The following WWOX variants were observed in gnomAD, a reference collection of about 807,000 sequenced individuals.
WWOX encodes the protein WW domain-containing oxidoreductase.
Under a neutral mutation model 46.2 loss-of-function variants are expected in WWOX, and 69 were observed. The observed-to-expected ratio is 1.49, with a 90% CI of 1.23 to 1.82. WWOX has a LOEUF of 1.82. WWOX is among the 40% of genes most tolerant of loss of function. The pLI, the probability that WWOX is intolerant of heterozygous loss-of-function variation, is 0.00. For missense variants in WWOX, 919 were observed against 542.6 expected, an observed-to-expected ratio of 1.69 and a Z score of -6.89; for synonymous variants, 359 against 202.6, an observed-to-expected ratio of 1.77 and a Z score of -6.56.
chr16:78,992,481 A>G (rs2046907906), intron 8 of WWOX, among the ~76,000 whole-genome samples: 1 of 152,116 alleles, frequency 6.6e-6, no homozygotes, highest in Non-Finnish European at 1.5e-5. Flanking sequence ...AAACAAAACA[A>G]AACAAAAACA....
At chr16:78,828,053 A>G (rs572738417) in intron 8 of WWOX, among the ~76,000 whole-genome samples, 102 of 152,302 alleles carry the variant, frequency 6.7e-4, no homozygotes, top group African/African-American at 2.4e-3. Flanking sequence ...GGCATTGGCA[A>G]CTGGGAGCCC....
At chr16:78,852,043 G>C (rs759885493) in intron 8 of WWOX, among the ~76,000 whole-genome samples, 1 of 152,164 alleles carries the variant, frequency 6.6e-6, no homozygotes, top group Non-Finnish European at 1.5e-5. Flanking sequence ...AGAGTGACTT[G>C]AACTGGGACA....
At chr16:78,142,484 T>G (rs2034021788) in intron 4 of WWOX, among the ~76,000 whole-genome samples, 2 of 152,212 alleles carry the variant, frequency 1.3e-5, no homozygotes, top group South Asian at 4.1e-4. Context: ...CAAAAACACT[T>G]GTCATTCTCA....
At chr16:78,956,747 A>G (rs181056059) in intron 8 of WWOX, among the ~76,000 whole-genome samples, 19 of 152,272 alleles carry the variant, frequency 1.2e-4, no homozygotes, top group Admixed American at 1.0e-3. Context: ...GCCACAAACA[A>G]GAAATTTGGG....
chr16:78,972,326 G>A (rs1476686275), intron 8 of WWOX, among the ~76,000 whole-genome samples: 3 of 152,188 alleles, frequency 2.0e-5, no homozygotes, highest in African/African-American at 7.2e-5. Flanking sequence ...AAAGGATCCA[G>A]GAGGGCTTTA....
chr16:78,340,148 C>G (rs780729013), intron 5 of WWOX, among the ~76,000 whole-genome samples: 1 of 111,374 alleles, frequency 9.0e-6, no homozygotes, highest in Non-Finnish European at 2.1e-5. Context: ...TGTTTAGTTT[C>G]TATCTTCTCA....
intron 5 of WWOX, among the ~76,000 whole-genome samples, chr16:78,271,851 C>G (rs553842477): frequency 6.6e-6 from 1 of 152,292 alleles, no homozygotes; most frequent in Non-Finnish European, 1.5e-5. Context: ...AGCAGTCACA[C>G]AGCCCAAAGA....
At chr16:78,371,564 T>C (rs2081687335) in intron 5 of WWOX, among the ~76,000 whole-genome samples, 1 of 152,188 alleles carries the variant, frequency 6.6e-6, no homozygotes, top group Admixed American at 6.5e-5. Flanking sequence ...TAATCTCTTC[T>C]ACTAAGATTG....
intron 8 of WWOX, among the ~76,000 whole-genome samples, chr16:78,789,457 A>C (rs1386062799): frequency 6.6e-6 from 1 of 152,242 alleles, no homozygotes; most frequent in African/African-American, 2.4e-5. Context: ...TCAATTGGCC[A>C]TAAATGTAAG....
chr16:78,994,909 C>G (rs2046956849), intron 8 of WWOX, among the ~76,000 whole-genome samples: 2 of 149,282 alleles, frequency 1.3e-5, no homozygotes, highest in South Asian at 2.1e-4. Context: ...CTTCTGGACA[C>G]TGGAAGGGCA....
chr16:78,590,443 T>A (rs916433506), intron 8 of WWOX, among the ~76,000 whole-genome samples: 1 of 152,196 alleles, frequency 6.6e-6, no homozygotes, highest in South Asian at 2.1e-4. Flanking sequence ...TCAACTCTAA[T>A]ATTATTTGAG....
At chr16:78,127,061 A>C (rs2033392307) in intron 4 of WWOX, among the ~76,000 whole-genome samples, 1 of 152,174 alleles carries the variant, frequency 6.6e-6, no homozygotes. Context: ...GTAGGAGAGG[A>C]ACACTGACTC....
At chr16:78,221,143 A>C (rs2151797827) in intron 5 of WWOX, among the ~76,000 whole-genome samples, 3 of 152,252 alleles carry the variant, frequency 2.0e-5, no homozygotes, top group Middle Eastern at 6.8e-3. Context: ...ATGACTTTGA[A>C]ACACTCTTTA....
Position 78,744,422 on chromosome 16 carries a change from C to CTT in WWOX, c.1056+311696_1056+311697dup, listed in dbSNP as rs976073233. Among the ~76,000 whole-genome samples, 368 of 82,248 alleles carry CTT rather than the reference C, an allele frequency of 4.5e-3. 35 individuals carry two copies. Among genetic ancestry groups the CTT allele is most frequent in the African/African-American group, 0.017 (285 of 16,336 alleles). 54.0% of individuals were successfully genotyped at this position (82,248 alleles called of 152,430 possible). ...TAGGAAGGGCCCATGGTCCACACTGCTTTTTTTTTTTTTTTTTTTTTTTTT... is the reference window on the plus strand; with the variant it reads ...TAGGAAGGGCCCATGGTCCACACTGCTTTTTTTTTTTTTTTTTTTTTTTTTTT... On this transcript the variant is annotated intron_variant, in intron 8 of 8. Transcript: ENST00000566780.
intron 8 of WWOX, among the ~76,000 whole-genome samples, chr16:78,504,435 A>G (rs1017933317): frequency 2.6e-5 from 4 of 152,212 alleles, no homozygotes; most frequent in Admixed American, 6.5e-5. Context: ...GCGTTTGTCT[A>G]TCTCAGATTT....
rs149838079 is a variant in WWOX, at chr16:79,152,210, G to A, written c.1057-59398G>A. 5.9e-5 allele frequency among the ~76,000 whole-genome samples: 9 copies of A among 152,318 alleles called. No individual in the cohort carries two copies. The East Asian group carries it at 1.6e-3, about 26-fold the overall frequency. ...CACGCGAGGCGAGGCCCTGAGGAGC[G>A]GGATTCGCTGACCCATGCTGGCAGA... On this transcript the variant is annotated intron_variant, in intron 8 of 8. Transcript: ENST00000566780.
chr16:78,974,825 C>T (rs867872023), intron 8 of WWOX, among the ~76,000 whole-genome samples: 11 of 152,140 alleles, frequency 7.2e-5, no homozygotes, highest in African/African-American at 2.2e-4. Context: ...CAACCTAAGC[C>T]GGGAAGCAGA....
rs2049227160 is a variant in WWOX at position 79,102,746 on chromosome 16, C to G, written c.1057-108862C>G. Among the ~76,000 whole-genome samples, 3 of 152,136 alleles carry G rather than the reference C, an allele frequency of 2.0e-5. No homozygotes were observed. In the South Asian group the frequency reaches 6.2e-4, roughly 32 times the overall value. On this transcript the variant is annotated intron_variant, in intron 8 of 8. Transcript: ENST00000566780. ...TCGGAGGTTCTGAAGCTAAAGGGTA[C>G]ATGTTTAAATTTTATTTGTTTCATT...
At chr16:78,538,707 G>T (rs143610919) in intron 8 of WWOX, among the ~76,000 whole-genome samples, 1 of 152,226 alleles carries the variant, frequency 6.6e-6, no homozygotes, top group South Asian at 2.1e-4. Context: ...GATTGTTAAG[G>T]GACCAGGTTA....
Sources: allele counts gnomAD v4.1 joint callset (sites outside exome capture counted in the v4.1 genomes callset), GRCh38; gene constraint gnomAD v4.1.1; transcripts MANE v1.5; gene names NCBI Gene and HGNC (gene_info 2026-07-23, HGNC 2026-07-21).